Variants in ROCK2 observed in about 807,000 individuals in gnomAD.
ROCK2 encodes Rho associated coiled-coil containing protein kinase 2.
Under a neutral mutation model 195.1 loss-of-function variants are expected in ROCK2, and 61 were observed. The observed-to-expected ratio is 0.31, with a 90% confidence interval of 0.25 to 0.39. ROCK2 has a LOEUF of 0.39. ROCK2 is among the 10% of genes least tolerant of loss of function. The pLI is 1.00. For synonymous variants in ROCK2, 504 were observed against 545.5 expected, an observed-to-expected ratio of 0.92 and a Z score of 1.06; for missense variants, 1,109 against 1,637.4, an observed-to-expected ratio of 0.68 and a Z score of 5.57.
At position 11,250,833 on chromosome 2, in the gene ROCK2, G is replaced by A. The variant is rs186660918; in HGVS notation, c.325-1035C>T. ...ATTTCAATTCCCAACTTGTTTCCCT[G>A]CTGTCACTCTCTCTTATCCACAGCC... On this transcript the variant is annotated intron_variant, in intron 3 of 32. Coordinates refer to ENST00000315872, the MANE Select transcript of ROCK2 (RefSeq NM_004850.5). Among the ~76,000 whole-genome samples the A allele has an allele frequency of 1.2e-4, 19 of 152,146 alleles. No individual in the cohort carries two copies. The East Asian group carries it at 3.1e-3, about 25-fold the overall frequency.
chr2:11,224,393 T>C lies in ROCK2; in HGVS notation c.936A>G (p.Ser312=). The C allele has an allele frequency of 6.2e-7, 1 of 1,612,974 alleles. No homozygotes were observed. The highest frequency in any genetic ancestry group is 1.1e-5 in the South Asian group (1 of 90,998). The change falls in exon 7 of 33, where the codon TCA becomes TCG. Residue 312 remains serine, a synonymous_variant. Coordinates refer to ENST00000315872, the MANE Select transcript of ROCK2 (RefSeq NM_004850.5). ...TTTCTGCATCTTCAGGGAAACACAGTGAATTCTTATGATCCATAATTTTGC... is the reference window on the plus strand; with the variant it reads ...TTTCTGCATCTTCAGGGAAACACAGCGAATTCTTATGATCCATAATTTTGC... ...TYSKIMDHKN[S]LCFPEDAEIS...
At chr2:11,239,352 C>T (rs1361678685) in intron 4 of ROCK2, among the ~76,000 whole-genome samples, 1 of 151,926 alleles carries the variant, frequency 6.6e-6, no homozygotes, top group Non-Finnish European at 1.5e-5. Flanking sequence ...ACACTAAAAC[C>T]ACAATGACAT....
intron 1 of ROCK2, among the ~76,000 whole-genome samples, chr2:11,294,979 G>C (rs1667467221): frequency 6.6e-6 from 1 of 151,872 alleles, no homozygotes. Context: ...AGTAGAGACG[G>C]GGTTTCATCA....
chr2:11,342,033 G>C (rs966054486), intron 1 of ROCK2, among the ~76,000 whole-genome samples: 2 of 151,898 alleles, frequency 1.3e-5, no homozygotes, highest in African/African-American at 4.8e-5. Context: ...CATTCTAGTA[G>C]TTCATAAATA....
rs1669085423 is a variant in ROCK2 at position 11,340,958 on chromosome 2, T to C, written c.141+3038A>G. Among the ~76,000 whole-genome samples, 6 of 152,146 alleles carry C rather than the reference T, an allele frequency of 3.9e-5. 1 individual carries two copies. The South Asian group carries it at 1.2e-3, about 32-fold the overall frequency. ...AGAAAAATATCTCTTCAGCAAAGCC[T>C]GAAACACAGTTCTTTTTACCATAAT... On this transcript the variant is annotated intron_variant, in intron 1 of 32. Coordinates refer to ENST00000315872, the MANE Select transcript of ROCK2 (RefSeq NM_004850.5).
intron 1 of ROCK2, among the ~76,000 whole-genome samples, chr2:11,311,379 G>A (rs1278429103): frequency 6.6e-6 from 1 of 152,178 alleles, no homozygotes; most frequent in Non-Finnish European, 1.5e-5. Context: ...TTGCAGCTCT[G>A]AAGTTGAGAA....
At chr2:11,227,529 A>C (rs1052338206) in intron 5 of ROCK2, 131 bp from the exon 6 acceptor site, 1 of 741,032 alleles carries the variant, frequency 1.3e-6, no homozygotes, top group African/African-American at 1.8e-5. Context: ...CACTGCTGAC[A>C]TGACTTCAGG....
Position 11,183,210 on chromosome 2 carries a change from C to G in ROCK2, c.*227G>C. 1 of 446,880 alleles carries G rather than the reference C, an allele frequency of 2.2e-6. No homozygotes were observed. Among genetic ancestry groups the G allele is most frequent in the African/African-American group, 2.1e-5 (1 of 48,412 alleles). The allele number at this position is 446,880 out of a possible 1,614,324, so 27.7% of individuals were successfully genotyped here. ...AAAAGTCTGGAAGAGTTGCATATATCCTTAGTCTATCAACCAATCATTGTT... is the reference window on the plus strand; with the variant it reads ...AAAAGTCTGGAAGAGTTGCATATATGCTTAGTCTATCAACCAATCATTGTT... On this transcript the variant is annotated 3_prime_UTR_variant, in exon 33 of 33. Coordinates refer to ENST00000315872, the MANE Select transcript of ROCK2 (RefSeq NM_004850.5).
rs760366234 is a variant in ROCK2 at position 11,192,190 on chromosome 2, G to C, written c.4121C>G (p.Ser1374Cys). ...AAGCTGTCGACTTGGCCGTCTAATA[G>C]ACTGGTTTTGCTGTATCTTCATTGA... ...RTSMKIQQNQ[S>C]IRRPSRQLAP... Residue 1374 changes from serine to cysteine, a missense_variant, in exon 32 of 33, where the codon TCT becomes TGT. Coordinates refer to ENST00000315872, the MANE Select transcript of ROCK2 (RefSeq NM_004850.5). This position sits in a 1 kb window ranked among gnomAD's most constrained non-coding sequence, Gnocchi z 5.0. 6.2e-7 allele frequency: 1 copy of C among 1,613,014 alleles called. No individual in the cohort carries two copies. The highest frequency in any genetic ancestry group is 1.1e-5 in the South Asian group (1 of 90,992).
chr2:11,197,352 T>C lies in ROCK2; in HGVS notation c.3280-4A>G, dbSNP rs371013853. The C allele has an allele frequency of 2.0e-5, 32 of 1,609,032 alleles. No individual in the cohort carries two copies. Among genetic ancestry groups the C allele is most frequent in the African/African-American group, 5.4e-5 (4 of 74,690 alleles). On this transcript the variant is annotated splice_region_variant and splice_polypyrimidine_tract_variant and intron_variant, in intron 26 of 32. Coordinates refer to ENST00000315872, the MANE Select transcript of ROCK2 (RefSeq NM_004850.5). The surrounding 1 kb of genome is among the most constrained non-coding windows in gnomAD (Gnocchi z 4.9). ...TCTGGCTCTCTTCAGCTATTTGCTATAAGAAATTTAATTACAATAAGTTAA... is the reference window on the plus strand; with the variant it reads ...TCTGGCTCTCTTCAGCTATTTGCTACAAGAAATTTAATTACAATAAGTTAA...
At chr2:11,336,716 A>T (rs973654971) in intron 1 of ROCK2, among the ~76,000 whole-genome samples, 1 of 152,212 alleles carries the variant, frequency 6.6e-6, no homozygotes, top group African/African-American at 2.4e-5. Flanking sequence ...TAATTTTTTT[A>T]AAATGGTGCA....
intron 32 of ROCK2, among the ~76,000 whole-genome samples, chr2:11,183,878 TAC>T (rs1663096007): frequency 6.6e-6 from 1 of 152,222 alleles, no homozygotes; most frequent in Admixed American, 6.5e-5. Flanking sequence ...TAGGACCAAC[TAC>T]ATTGTTGTAG....
chr2:11,294,441 A>G (rs765357333), intron 1 of ROCK2, among the ~76,000 whole-genome samples: 40 of 151,764 alleles, frequency 2.6e-4, no homozygotes, highest in African/African-American at 9.7e-5. Context: ...TATGGTGTTA[A>G]TTATATGGTG....
chr2:11,283,582 A>AAAAAAAAGAAAGAAAG (rs777307547), intron 3 of ROCK2, among the ~76,000 whole-genome samples: 2 of 15,152 alleles, frequency 1.3e-4, no homozygotes, highest in Non-Finnish European at 5.3e-4. Context: ...AAAAAAAAAA[A>AAAAAAAAGAAAGAAAG]AAAGCAAGAA....
intron 25 of ROCK2, 71 bp downstream of exon 25, chr2:11,198,420 C>T: frequency 2.8e-6 from 3 of 1,069,184 alleles, no homozygotes; most frequent in Non-Finnish European, 4.3e-6. Context: ...ATTTGTAATG[C>T]TAGAAGTAAA....
chr2:11,193,281 C>T (rs1164607637), intron 30 of ROCK2, among the ~76,000 whole-genome samples: 2 of 152,028 alleles, frequency 1.3e-5, no homozygotes, highest in Non-Finnish European at 2.9e-5. Context: ...CCAAGCACAA[C>T]GACTCTTACA....
chr2:11,310,742 T>C (rs1668007114), intron 1 of ROCK2, among the ~76,000 whole-genome samples: 1 of 151,968 alleles, frequency 6.6e-6, no homozygotes, highest in Non-Finnish European at 1.5e-5. Context: ...GAATCATAGG[T>C]TGTATATACA....
At chr2:11,334,082 A>G (rs1160950881) in intron 1 of ROCK2, among the ~76,000 whole-genome samples, 1 of 152,198 alleles carries the variant, frequency 6.6e-6, no homozygotes, top group African/African-American at 2.4e-5. Flanking sequence ...CTGCATATAT[A>G]GATGTTTACT....
chr2:11,215,712 T>C, intron 13 of ROCK2, 67 bp from the exon 14 acceptor site: 1 of 1,328,320 alleles, frequency 7.5e-7, no homozygotes, highest in Non-Finnish European at 1.0e-6. Context: ...CAAAAAATAC[T>C]TGCTATTCCA....
Sources: allele counts gnomAD v4.1 joint callset (sites outside exome capture counted in the v4.1 genomes callset), GRCh38; gene constraint gnomAD v4.1.1; non-coding constraint Gnocchi (gnomAD v3.1); transcripts MANE v1.5; gene names NCBI Gene and HGNC (gene_info 2026-07-23, HGNC 2026-07-21).